The following TARS3 variants were observed in gnomAD, a reference collection of about 807,000 sequenced individuals.
TARS3 encodes threonine--tRNA ligase 2, cytoplasmic.
Under a neutral mutation model 103.5 loss-of-function variants are expected in TARS3, and 94 were observed. The observed-to-expected ratio is 0.91, with a 90% CI of 0.77 to 1.08. The LOEUF is 1.08. Ranked by LOEUF, TARS3 falls within the 50% of genes least tolerant of loss-of-function variation. The pLI is 0.00. For missense variants in TARS3, 952 were observed against 995.2 expected, an observed-to-expected ratio of 0.96 and a Z score of 0.58; for synonymous variants, 416 against 355.4, an observed-to-expected ratio of 1.17 and a Z score of -1.92.
intron 7 of TARS3, 76 bp downstream of exon 7, chr15:101,705,607 G>C: frequency 1.6e-6 from 2 of 1,281,660 alleles, no homozygotes; most frequent in Non-Finnish European, 2.2e-6. Flanking sequence ...TCTCCAACCA[G>C]AAAACAAACT....
intron 18 of TARS3, among the ~76,000 whole-genome samples, 182 bp from the exon 19 acceptor site, chr15:101,654,912 ATC>A (rs1897141569): frequency 6.6e-6 from 1 of 152,206 alleles, no homozygotes; most frequent in South Asian, 2.1e-4. Flanking sequence ...TTCTGATCCC[ATC>A]TCTCTATTGT....
chr15:101,687,028 T>A (rs1437466996), intron 10 of TARS3, among the ~76,000 whole-genome samples: 1 of 152,168 alleles, frequency 6.6e-6, no homozygotes, highest in Non-Finnish European at 1.5e-5. Flanking sequence ...CAGCAGGGCA[T>A]CCTGGCAGTC....
At chr15:101,668,360 T>G (rs775441578) in intron 15 of TARS3, among the ~76,000 whole-genome samples, 1 of 152,094 alleles carries the variant, frequency 6.6e-6, no homozygotes, top group African/African-American at 2.4e-5. Flanking sequence ...GGAGAGAGAT[T>G]AGGGAGGGGC....
At chr15:101,723,236 C>A in intron 1 of TARS3, 72 bp from the exon 2 acceptor site, 1 of 1,420,586 alleles carries the variant, frequency 7.0e-7, no homozygotes, top group Middle Eastern at 1.8e-4. Context: ...GAGAGTCATG[C>A]CAGCAGGCTG....
intron 4 of TARS3, among the ~76,000 whole-genome samples, chr15:101,713,964 ATAGTT>A (rs1363553003): frequency 1.3e-5 from 2 of 152,326 alleles, no homozygotes; most frequent in South Asian, 4.1e-4. Context: ...TATGGTTCTT[ATAGTT>A]TAAAGAAATT....
chr15:101,684,563 A>G (rs1052907067), intron 11 of TARS3, among the ~76,000 whole-genome samples: 2 of 152,146 alleles, frequency 1.3e-5, no homozygotes, highest in African/African-American at 4.8e-5. Context: ...CATTTCCCAG[A>G]CAGGGCTAGG....
intron 11 of TARS3, 121 bp from the exon 12 acceptor site, chr15:101,684,358 A>G: frequency 2.0e-6 from 2 of 1,009,708 alleles, no homozygotes; most frequent in South Asian, 5.2e-5. Flanking sequence ...TAGTTCTTAG[A>G]TCACCAGGTT....
chr15:101,713,901 A>G (rs1198946780), intron 4 of TARS3, among the ~76,000 whole-genome samples: 2 of 152,220 alleles, frequency 1.3e-5, no homozygotes, highest in African/African-American at 2.4e-5. Flanking sequence ...TTAATAGTGT[A>G]CTGTTTACAT....
intron 15 of TARS3, among the ~76,000 whole-genome samples, chr15:101,670,158 G>C (rs911447720): frequency 6.6e-6 from 1 of 152,140 alleles, no homozygotes; most frequent in African/African-American, 2.4e-5. Context: ...AAAAAATGGA[G>C]AAATTAAACT....
intron 10 of TARS3, chr15:101,699,212 T>C (rs1014215144): frequency 1.5e-5 from 4 of 265,056 alleles, no homozygotes; most frequent in Non-Finnish European, 3.0e-5. Flanking sequence ...GTTTTTTTCA[T>C]GGTAAGGCCA....
chr15:101,714,834 A>G lies in TARS3; in HGVS notation c.690+6T>C. The G allele has an allele frequency of 6.3e-7, 1 of 1,597,434 alleles. No homozygotes were observed. Among genetic ancestry groups the G allele is most frequent in the Non-Finnish European group, 8.5e-7 (1 of 1,171,054 alleles). ...AAGTTTGGCTGTCTGGTTTTTAAAT[A>G]CTCACAGCTTGAGCTTCCTCATTAT... On this transcript the variant is annotated splice_donor_region_variant and intron_variant, in intron 4 of 18. Transcript: ENST00000335968.
chr15:101,694,795 A>C (rs1898888045), intron 10 of TARS3, among the ~76,000 whole-genome samples: 1 of 152,254 alleles, frequency 6.6e-6, no homozygotes, highest in Non-Finnish European at 1.5e-5. Context: ...TTTTATTACA[A>C]AAGGTCAAAT....
chr15:101,661,947 T>G (rs1406746871), intron 15 of TARS3, 131 bp from the exon 16 acceptor site: 1 of 509,404 alleles, frequency 2.0e-6, no homozygotes, highest in African/African-American at 2.0e-5. Context: ...ATTTGTTCTG[T>G]GACTGTCTTG....
chr15:101,680,932 A>G (rs1431849052), intron 12 of TARS3, among the ~76,000 whole-genome samples: 4 of 152,076 alleles, frequency 2.6e-5, no homozygotes, highest in African/African-American at 9.7e-5. Flanking sequence ...TTGTATTTTT[A>G]TGTTTGACAT....
chr15:101,692,762 C>G (rs1898783598), intron 10 of TARS3, among the ~76,000 whole-genome samples: 1 of 152,216 alleles, frequency 6.6e-6, no homozygotes, highest in East Asian at 1.9e-4. Flanking sequence ...TGTTAGTTAC[C>G]TTAGCCAGGC....
intron 10 of TARS3, among the ~76,000 whole-genome samples, chr15:101,690,082 C>G (rs1032536463): frequency 6.6e-6 from 1 of 152,180 alleles, no homozygotes; most frequent in African/African-American, 2.4e-5. Context: ...ATCGGCTGAT[C>G]GGAGTTTGTG....
In TARS3 at chr15:101,724,471, G is replaced by T; in HGVS notation, c.-84C>A. On this transcript the variant is annotated 5_prime_UTR_variant, in exon 1 of 19. Transcript: ENST00000335968. ...CGCGGACACTCAGCGCACGGCAGAA[G>T]ACAGGGCTCCCGGGAGGGGCGGGGC... The T allele has an allele frequency of 7.5e-7, 1 of 1,327,188 alleles. No individual in the cohort carries two copies. Among genetic ancestry groups the T allele is most frequent in the Non-Finnish European group, 9.6e-7 (1 of 1,044,420 alleles). The allele number at this position is 1,327,188 out of a possible 1,614,324, so 82.2% of individuals were successfully genotyped here.
intron 5 of TARS3, 126 bp from the exon 6 acceptor site, chr15:101,709,036 A>G: frequency 1.6e-6 from 1 of 643,314 alleles, no homozygotes; most frequent in East Asian, 2.8e-5. Flanking sequence ...GACTTCAGAA[A>G]GTCAAACGTT....
At chr15:101,660,367 C>T (rs556865002) in intron 16 of TARS3, among the ~76,000 whole-genome samples, 162 of 152,328 alleles carry the variant, frequency 1.1e-3, no homozygotes, top group African/African-American at 3.6e-3. Context: ...GGTGCTATAA[C>T]TGCTAGTAAA....
Sources: allele counts gnomAD v4.1 joint callset (sites outside exome capture counted in the v4.1 genomes callset), GRCh38; gene constraint gnomAD v4.1.1; transcripts MANE v1.5; gene names NCBI Gene and HGNC (gene_info 2026-07-23, HGNC 2026-07-21).